Variants in CFH observed in about 807,000 individuals in gnomAD.
CFH encodes the protein H factor 1 (complement).
CFH carries 53 observed loss-of-function variants against 147.3 expected under a neutral mutation model. The observed-to-expected ratio is 0.36, with a 90% confidence interval of 0.29 to 0.45. The LOEUF (loss-of-function observed/expected upper bound fraction) is 0.45. Ranked by LOEUF, CFH falls within the 20% of genes least tolerant of loss-of-function variation. The pLI is 1.00. For synonymous variants in CFH, 536 were observed against 489.4 expected, an observed-to-expected ratio of 1.10 and a Z score of -1.26; for missense variants, 1,380 against 1,498.0, an observed-to-expected ratio of 0.92 and a Z score of 1.30.
intron 9 of CFH, among the ~76,000 whole-genome samples, chr1:196,707,158 A>G (rs916473964): frequency 1.5e-4 from 23 of 152,236 alleles, no homozygotes; most frequent in African/African-American, 5.3e-4. Context: ...AAATCATACT[A>G]TATAAAACAA....
chr1:196,694,328 C>G (rs1485988737), intron 9 of CFH, among the ~76,000 whole-genome samples: 3 of 152,154 alleles, frequency 2.0e-5, no homozygotes, highest in Non-Finnish European at 4.4e-5. Flanking sequence ...CTGCAAAGGA[C>G]ACGAACTCAT....
intron 15 of CFH, among the ~76,000 whole-genome samples, chr1:196,728,729 A>G (rs1368433723): frequency 7.2e-6 from 1 of 138,730 alleles, no homozygotes; most frequent in Non-Finnish European, 1.6e-5. Context: ...ACACACACAC[A>G]CACGCACACA....
chr1:196,656,686 G>GTTTTT (rs563378238), intron 1 of CFH, among the ~76,000 whole-genome samples: 26 of 132,526 alleles, frequency 2.0e-4, no homozygotes, highest in African/African-American at 6.8e-4. Context: ...TGTGTGTTGC[G>GTTTTT]TTTTTTTTTT....
At chr1:196,656,380 G>A (rs1666692507) in intron 1 of CFH, among the ~76,000 whole-genome samples, 1 of 151,818 alleles carries the variant, frequency 6.6e-6, no homozygotes. Context: ...CTCCTGAACT[G>A]TAACATAAAT....
chr1:196,697,430 GA>G (rs1314407224), intron 9 of CFH, among the ~76,000 whole-genome samples: 4 of 152,202 alleles, frequency 2.6e-5, no homozygotes, highest in Admixed American at 6.5e-5. Context: ...GGTCATTAGA[GA>G]AATGCAAATC....
At chr1:196,679,511 G>C in intron 5 of CFH, 112 bp from the exon 6 acceptor site, 1 of 752,932 alleles carries the variant, frequency 1.3e-6, no homozygotes, top group East Asian at 2.7e-5. Context: ...ACTTTTGTTT[G>C]GTTGACTGAT....
chr1:196,729,610 T>C (rs1669234817), intron 15 of CFH, among the ~76,000 whole-genome samples: 1 of 151,984 alleles, frequency 6.6e-6, no homozygotes, highest in Non-Finnish European at 1.5e-5. Flanking sequence ...GCCACTAGAA[T>C]GAGTTAGAAA....
rs1219726070 is a variant in CFH at position 196,746,366 on chromosome 1, G to T, written c.3493+367G>T. Reference sequence around the variant, plus strand: ...GTCGGGAGTCTGAGGCAGGAAAATGGCGGGAACCCGGGAGGCGGAGGTTGC... The same window carrying T: ...GTCGGGAGTCTGAGGCAGGAAAATGTCGGGAACCCGGGAGGCGGAGGTTGC... On this transcript the variant is annotated intron_variant, in intron 21 of 21. Coordinates refer to ENST00000367429, the MANE Select transcript of CFH (RefSeq NM_000186.4). Among the ~76,000 whole-genome samples, 5 of 152,282 alleles carry T rather than the reference G, an allele frequency of 3.3e-5. No homozygotes were observed. In the South Asian group the frequency reaches 6.2e-4, roughly 19 times the overall value.
chr1:196,741,950 G>A lies in CFH; in HGVS notation c.3032G>A (p.Gly1011Asp), dbSNP rs763032091. The A allele has an allele frequency of 1.2e-6, 2 of 1,614,040 alleles. No individual in the cohort carries two copies. Among genetic ancestry groups the A allele is most frequent in the South Asian group, 1.1e-5 (1 of 91,090 alleles). ...GAGAAGAAGGATGTGTATAAGGCGGGTGAGCAAGTGACTTACACTTGTGCA... is the reference window on the plus strand; with the variant it reads ...GAGAAGAAGGATGTGTATAAGGCGGATGAGCAAGTGACTTACACTTGTGCA... ...MGEKKDVYKAGEQVTYTCATY... is the reference protein window; with the variant it reads ...MGEKKDVYKADEQVTYTCATY... The change falls in exon 19 of 22, where the codon GGT becomes GAT. Residue 1011 changes from glycine (G) to aspartate (D), a missense_variant. Physicochemically the swap from Gly to Asp is moderately conservative, Grantham distance 94. Coordinates refer to ENST00000367429, the MANE Select transcript of CFH (RefSeq NM_000186.4).
intron 15 of CFH, among the ~76,000 whole-genome samples, chr1:196,729,001 T>C (rs1425077735): frequency 1.3e-5 from 2 of 152,150 alleles, no homozygotes; most frequent in Non-Finnish European, 2.9e-5. Context: ...TATTTATCTA[T>C]TAATTTATTG....
At chr1:196,702,120 T>G (rs1052405075) in intron 9 of CFH, among the ~76,000 whole-genome samples, 5 of 152,154 alleles carry the variant, frequency 3.3e-5, no homozygotes, top group African/African-American at 1.2e-4. Context: ...AAAAAGATGA[T>G]GCTATGATGG....
chr1:196,673,556 T>G (rs752703777), intron 2 of CFH: 7 of 391,652 alleles, frequency 1.8e-5, no homozygotes, highest in Non-Finnish European at 3.3e-5. Context: ...CAGGCTGGTC[T>G]CGAACTCCTG....
chr1:196,669,746 T>G (rs1667214586), intron 1 of CFH, among the ~76,000 whole-genome samples: 1 of 152,106 alleles, frequency 6.6e-6, no homozygotes, highest in African/African-American at 2.4e-5. Flanking sequence ...GCAAGGGAAA[T>G]GTAGGATTGG....
intron 9 of CFH, among the ~76,000 whole-genome samples, chr1:196,712,858 C>T (rs1018511003): frequency 6.9e-6 from 1 of 145,956 alleles, no homozygotes; most frequent in Non-Finnish European, 1.5e-5. Flanking sequence ...TGAGTGAGAA[C>T]ATGTGGTGTT....
chr1:196,670,279 G>C (rs141226217), intron 1 of CFH, among the ~76,000 whole-genome samples: 2 of 152,226 alleles, frequency 1.3e-5, no homozygotes, highest in South Asian at 2.1e-4. Flanking sequence ...TTAAGACTTG[G>C]GGGGACTGTT....
chr1:196,666,369 A>AT (rs377008172), intron 1 of CFH, among the ~76,000 whole-genome samples: 3 of 151,958 alleles, frequency 2.0e-5, no homozygotes, highest in Admixed American at 6.6e-5. Flanking sequence ...TTCGAGTTAT[A>AT]TTTTTTTCTC....
chr1:196,720,858 T>A (rs1345396295), intron 11 of CFH, among the ~76,000 whole-genome samples: 1 of 151,952 alleles, frequency 6.6e-6, no homozygotes, highest in Non-Finnish European at 1.5e-5. Context: ...AGTTCTGTTT[T>A]TAGTTCTTTG....
At chr1:196,661,681 C>T (rs1666911025) in intron 1 of CFH, among the ~76,000 whole-genome samples, 1 of 152,160 alleles carries the variant, frequency 6.6e-6, no homozygotes, top group East Asian at 1.9e-4. Flanking sequence ...TAGGTTTAAA[C>T]ATATAAATTG....
chr1:196,680,245 A>G (rs1182782009), intron 6 of CFH, among the ~76,000 whole-genome samples: 1 of 150,828 alleles, frequency 6.6e-6, no homozygotes. Context: ...AGTTGAAGGA[A>G]GTGAATATTT....
Sources: allele counts gnomAD v4.1 joint callset (sites outside exome capture counted in the v4.1 genomes callset), GRCh38; gene constraint gnomAD v4.1.1; transcripts MANE v1.5; gene names NCBI Gene and HGNC (gene_info 2026-07-23, HGNC 2026-07-21).